ZBTB41: variants seen among roughly 807,000 people sequenced by gnomAD.
ZBTB41 encodes zinc finger and BTB domain containing 41, also known as zinc finger and BTB domain-containing protein 41.
A neutral mutation model predicts 87.6 loss-of-function variants in ZBTB41; 42 were observed. That is an observed-to-expected ratio of 0.48 (90% CI 0.37 to 0.62). The LOEUF (loss-of-function observed/expected upper bound fraction) is 0.62, where lower values mean the gene tolerates loss of function less well. Among genes scored for constraint, ZBTB41 ranks in the 20% least tolerant of loss-of-function variants. The pLI is 0.00. For missense variants in ZBTB41, 799 were observed against 1,078.9 expected (o/e 0.74, Z 3.63); for synonymous variants, 364 against 364.0 (o/e 1.00, Z 0.00).
intron 10 of ZBTB41, among the ~76,000 whole-genome samples, chr1:197,170,490 T>C (rs1007929325): frequency 6.6e-6 from 1 of 152,154 alleles, no homozygotes; most frequent in African/African-American, 2.4e-5. Flanking sequence ...TTTTCTAGAA[T>C]GTAAATTAAT....
chr1:197,168,122 CAAAT>C (rs888185166), intron 10 of ZBTB41, among the ~76,000 whole-genome samples: 3 of 150,966 alleles, frequency 2.0e-5, no homozygotes, highest in African/African-American at 7.3e-5. Context: ...ATACCAGAAA[CAAAT>C]AAAAAATAAA....
chr1:197,198,885 A>G (rs1660229838), intron 2 of ZBTB41, among the ~76,000 whole-genome samples: 1 of 152,164 alleles, frequency 6.6e-6, no homozygotes, highest in African/African-American at 2.4e-5. Context: ...AGTTTAATAT[A>G]AAACATCCCC....
At chr1:197,162,228 T>C (rs1249891790) in intron 10 of ZBTB41, among the ~76,000 whole-genome samples, 3 of 152,122 alleles carry the variant, frequency 2.0e-5, no homozygotes, top group African/African-American at 7.2e-5. Flanking sequence ...CTTATAGTGC[T>C]TAAAGATAGA....
chr1:197,165,797 T>A lies in ZBTB41; in HGVS notation c.2075-5783A>T, dbSNP rs368442487. Reference sequence around the variant, plus strand: ...TAAAAAAAATATATATATAAGCCAGTGGCTGACAAGATGGCCAAACAGGAA... The same window carrying A: ...TAAAAAAAATATATATATAAGCCAGAGGCTGACAAGATGGCCAAACAGGAA... On this transcript the variant is annotated intron_variant, in intron 10 of 10. Coordinates refer to ENST00000367405, the MANE Select transcript of ZBTB41 (RefSeq NM_194314.3). Among the ~76,000 whole-genome samples the A allele has an allele frequency of 2.6e-4, 39 of 152,190 alleles. No individual in the cohort carries two copies. The East Asian group carries it at 7.3e-3, about 29-fold the overall frequency.
intron 10 of ZBTB41, among the ~76,000 whole-genome samples, chr1:197,167,016 T>G (rs1165503426): frequency 3.3e-5 from 5 of 152,188 alleles, no homozygotes; most frequent in African/African-American, 1.2e-4. Flanking sequence ...AATCATCTTT[T>G]GAGACCAGCA....
chr1:197,184,422 C>T (rs1038194341), intron 5 of ZBTB41, among the ~76,000 whole-genome samples: 48 of 152,048 alleles, frequency 3.2e-4, no homozygotes, highest in African/African-American at 1.1e-3. Context: ...CTTCCTTTCC[C>T]AGACAAAAAA....
chr1:197,197,824 G>A (rs11809963), intron 2 of ZBTB41, among the ~76,000 whole-genome samples: 11,864 of 152,188 alleles, frequency 0.078, 1,527 homozygotes, highest in African/African-American at 0.27. Context: ...GAATTACGTA[G>A]TTCCCAATCT....
Position 197,200,017 on chromosome 1 carries a change from A to G in ZBTB41, c.457T>C (p.Tyr153His), listed in dbSNP as rs1404602820. 3.1e-6 allele frequency: 5 copies of G among 1,613,016 alleles called. No homozygotes were observed. Among genetic ancestry groups the G allele is most frequent in the Non-Finnish European group, 4.2e-6 (5 of 1,179,848 alleles). Reference sequence around the variant, plus strand: ...GCCTCTAAAACAAGAGGTATTTCATATTTGTACACAAAAAATTCTGATGTG... The same window carrying G: ...GCCTCTAAAACAAGAGGTATTTCATGTTTGTACACAAAAAATTCTGATGTG... ...LYTSEFFVYK[Y>H]EIPLVLEAAK... is the part of the protein sequence containing the mutation. Residue 153 changes from tyrosine to histidine, a missense_variant, in exon 2 of 11, where the codon TAT (tyrosine) becomes CAT (histidine). Around this residue, in one of 5 missense-constraint regions of ZBTB41, gnomAD observed 59 missense variants for 120.1 expected, o/e 0.49. Transcript: ENST00000367405.
At chr1:197,172,133 A>C (rs1417278063) in intron 10 of ZBTB41, 27 bp downstream of exon 10, 1 of 977,642 alleles carries the variant, frequency 1.0e-6, no homozygotes, top group African/African-American at 1.7e-5. Context: ...ATATATATAT[A>C]TCTATGAACC....
chr1:197,164,588 A>G, intron 10 of ZBTB41, among the ~76,000 whole-genome samples: 1 of 149,698 alleles, frequency 6.7e-6, no homozygotes, highest in East Asian at 1.9e-4. Context: ...GAGTGCTGGT[A>G]ATCTTTATCC....
rs910827324 is a variant in ZBTB41 at position 197,200,039 on chromosome 1, T to C, written c.435A>G (p.Thr145=). The change falls in exon 2 of 11, where the codon ACA becomes ACG. Residue 145 remains threonine (T), a synonymous_variant. Transcript: ENST00000367405. ...VFQHLLEFLY[T]SEFFVYKYEI... ...CATATTTGTACACAAAAAATTCTGATGTGTAAAGAAATTCAAGCAAATGCT... is the reference window on the plus strand; with the variant it reads ...CATATTTGTACACAAAAAATTCTGACGTGTAAAGAAATTCAAGCAAATGCT... The C allele has an allele frequency of 2.5e-6, 4 of 1,612,928 alleles. No individual in the cohort carries two copies. Among genetic ancestry groups the C allele is most frequent in the East Asian group, 2.2e-5 (1 of 44,882 alleles).
chr1:197,186,599 C>T (rs540721104), intron 5 of ZBTB41, among the ~76,000 whole-genome samples: 1 of 152,206 alleles, frequency 6.6e-6, no homozygotes, highest in Non-Finnish European at 1.5e-5. Flanking sequence ...TGGTGGCTCA[C>T]GCCTGTAATC....
rs1289345261 is a variant in ZBTB41, at chr1:197,159,246, AG to A, written c.*112del. ...GTTTTCTTGATTTGAAACTGTTCTG[AG>A]GACTTGAGAAACTAGAGAAAACAAG... On this transcript the variant is annotated 3_prime_UTR_variant, in exon 11 of 11. Transcript: ENST00000367405. 2.0e-6 allele frequency: 2 copies of A among 1,017,814 alleles called. No homozygotes were observed. Among genetic ancestry groups the A allele is most frequent in the Non-Finnish European group, 2.9e-6 (2 of 692,298 alleles). 63.0% of individuals were successfully genotyped at this position (1,017,814 alleles called of 1,614,324 possible).
chr1:197,173,752 C>G (rs1163101617), intron 9 of ZBTB41, among the ~76,000 whole-genome samples: 1 of 152,032 alleles, frequency 6.6e-6, no homozygotes, highest in Non-Finnish European at 1.5e-5. Context: ...CATTCATATC[C>G]ATGGTAAATA....
At chr1:197,177,322 G>GTT (rs1343572532) in intron 7 of ZBTB41, among the ~76,000 whole-genome samples, 1 of 152,016 alleles carries the variant, frequency 6.6e-6, no homozygotes, top group East Asian at 1.9e-4. Flanking sequence ...CTTCGCCTAG[G>GTT]TAAGACGTGC....
Position 197,157,799 on chromosome 1 carries a change from C to T in ZBTB41, c.*1560G>A, listed in dbSNP as rs1053521445. ...TACCTTTATTTCTTAAGTGCTTCAG[C>T]GACAGTTTCCGCCATTACTAATTGA... On this transcript the variant is annotated 3_prime_UTR_variant, in exon 11 of 11. Coordinates refer to ENST00000367405, the MANE Select transcript of ZBTB41 (RefSeq NM_194314.3). 24 of 152,184 alleles carry T rather than the reference C, an allele frequency of 1.6e-4. No homozygotes were observed. The highest frequency in any genetic ancestry group is 5.3e-4 in the African/African-American group (22 of 41,366). The allele number at this position is 152,184 out of a possible 1,614,324, so 9.4% of individuals were successfully genotyped here.
At chr1:197,183,356 C>A (rs1659803474) in intron 5 of ZBTB41, among the ~76,000 whole-genome samples, 1 of 152,156 alleles carries the variant, frequency 6.6e-6, no homozygotes, top group African/African-American at 2.4e-5. Flanking sequence ...AATGAGGAAA[C>A]TGGAAGTCTG....
chr1:197,169,720 C>T (rs1053111673), intron 10 of ZBTB41, among the ~76,000 whole-genome samples: 1 of 151,794 alleles, frequency 6.6e-6, no homozygotes, highest in Non-Finnish European at 1.5e-5. Context: ...AAAAAGCTTA[C>T]AAAGAAAATT....
intron 5 of ZBTB41, 149 bp from the exon 6 acceptor site, chr1:197,181,266 G>T: frequency 1.5e-6 from 1 of 675,836 alleles, no homozygotes; most frequent in Non-Finnish European, 2.3e-6. Context: ...TTTATTCCTA[G>T]AATAACATTT....
Sources: allele counts gnomAD v4.1 joint callset (sites outside exome capture counted in the v4.1 genomes callset), GRCh38; gene constraint gnomAD v4.1.1; regional missense constraint gnomAD v4.1.1; transcripts MANE v1.5; gene names NCBI Gene and HGNC (gene_info 2026-07-23, HGNC 2026-07-21).